The following NTRK2 variants were observed in gnomAD, a reference collection of about 807,000 sequenced individuals.
NTRK2 encodes neurotrophic receptor tyrosine kinase 2, also known as BDNF/NT-3 growth factors receptor.
NTRK2 carries 13 observed loss-of-function variants against 94.5 expected under a neutral mutation model. The observed-to-expected ratio is 0.14, with a 90% CI of 0.09 to 0.22. The LOEUF is 0.22. Among genes scored for constraint, NTRK2 ranks in the 10% least tolerant of loss-of-function variants. NTRK2 has a pLI of 1.00. For missense variants in NTRK2, 639 were observed against 1,071.2 expected (o/e 0.60, Z 5.63); for synonymous variants, 372 against 407.4 (o/e 0.91, Z 1.05).
chr9:84,794,440 C>T (rs1346810567), intron 12 of NTRK2, among the ~76,000 whole-genome samples: 1 of 152,012 alleles, frequency 6.6e-6, no homozygotes, highest in East Asian at 1.9e-4. Context: ...ATGGCATAGC[C>T]AAAAAACCCC....
chr9:84,725,291 G>T (rs1270344358), intron 8 of NTRK2, among the ~76,000 whole-genome samples: 2 of 152,170 alleles, frequency 1.3e-5, no homozygotes, highest in South Asian at 4.1e-4. Flanking sequence ...GAAATCATCA[G>T]CTGTAATCCT....
chr9:84,683,228 G>A (rs1217196291), intron 2 of NTRK2, among the ~76,000 whole-genome samples: 1 of 152,038 alleles, frequency 6.6e-6, no homozygotes, highest in Non-Finnish European at 1.5e-5. Context: ...GAATGTACAG[G>A]TTTGTTACAT....
At chr9:84,980,222 G>C (rs1352825491) in intron 17 of NTRK2, among the ~76,000 whole-genome samples, 4 of 152,142 alleles carry the variant, frequency 2.6e-5, no homozygotes, top group African/African-American at 9.7e-5. Context: ...TGGCTAAACA[G>C]TATTCCATCC....
At chr9:84,933,508 C>T (rs1047266583) in intron 14 of NTRK2, among the ~76,000 whole-genome samples, 3 of 152,186 alleles carry the variant, frequency 2.0e-5, no homozygotes, top group Non-Finnish European at 4.4e-5. Context: ...TCTTCTTGGC[C>T]TTGGAGAGCC....
At chr9:84,971,045 C>T (rs1289577671) in intron 17 of NTRK2, among the ~76,000 whole-genome samples, 1 of 152,194 alleles carries the variant, frequency 6.6e-6, no homozygotes, top group Admixed American at 6.5e-5. Context: ...AAGGAGCAGG[C>T]TGGGACAGTG....
chr9:84,744,854 G>C, intron 10 of NTRK2, 119 bp from the exon 11 acceptor site: 1 of 812,766 alleles, frequency 1.2e-6, no homozygotes, highest in Non-Finnish European at 2.2e-6. Flanking sequence ...CAGACTGTCG[G>C]GGGTTTGGAA....
intron 6 of NTRK2, among the ~76,000 whole-genome samples, chr9:84,717,969 T>C (rs2061808066): frequency 6.6e-6 from 1 of 152,148 alleles, no homozygotes; most frequent in South Asian, 2.1e-4. Context: ...ATTGTGAACA[T>C]CCAGAGCTTC....
At chr9:84,829,336 A>G (rs866981457) in intron 12 of NTRK2, among the ~76,000 whole-genome samples, 1 of 152,098 alleles carries the variant, frequency 6.6e-6, no homozygotes. Context: ...CTAATTTTAA[A>G]ATGTCTTCAG....
Position 84,752,596 on chromosome 9 carries a change from G to T in NTRK2, c.1396+511G>T, listed in dbSNP as rs533566259. On this transcript the variant is annotated intron_variant, in intron 12 of 18. Coordinates refer to ENST00000277120, the MANE Select transcript of NTRK2 (RefSeq NM_006180.6). ...TATCAGCAGTATATAGAAGCTTCGT[G>T]AATACATAGCTTTTTTTTTATTTAA... is the stretch of plus-strand genomic sequence containing the variant. Among the ~76,000 whole-genome samples, 121 of 152,252 alleles carry T rather than the reference G, an allele frequency of 7.9e-4. 2 individuals carry two copies. Among genetic ancestry groups the T allele is most frequent in the African/African-American group, 2.8e-3 (118 of 41,552 alleles).
chr9:84,698,304 A>C (rs1364469016), intron 2 of NTRK2, among the ~76,000 whole-genome samples: 1 of 152,092 alleles, frequency 6.6e-6, no homozygotes, highest in African/African-American at 2.4e-5. Context: ...TGTACGTATC[A>C]GTATACAATT....
chr9:84,928,442 A>G (rs1277938583), intron 14 of NTRK2, among the ~76,000 whole-genome samples: 8 of 152,236 alleles, frequency 5.3e-5, no homozygotes, highest in Admixed American at 5.2e-4. Flanking sequence ...ATTTCAGATG[A>G]TAAACATGAG....
At chr9:84,875,443 T>C (rs1323371343) in intron 14 of NTRK2, 1 of 1,062,288 alleles carries the variant, frequency 9.4e-7, no homozygotes. Context: ...CAAGGCAGGC[T>C]GAGAGCTCTC....
chr9:84,775,186 C>A (rs2132912284), intron 12 of NTRK2, among the ~76,000 whole-genome samples: 1 of 152,296 alleles, frequency 6.6e-6, no homozygotes, highest in South Asian at 2.1e-4. Context: ...GATGTGGGAG[C>A]TGAGAGGTGG....
intron 12 of NTRK2, among the ~76,000 whole-genome samples, chr9:84,793,105 G>C (rs2068898453): frequency 6.6e-6 from 1 of 151,400 alleles, no homozygotes; most frequent in East Asian, 1.9e-4. Flanking sequence ...GTGTGTGTTG[G>C]TGGGGGTGGT....
intron 12 of NTRK2, chr9:84,815,310 T>C (rs1342503928): frequency 3.0e-5 from 31 of 1,049,890 alleles, no homozygotes; most frequent in Non-Finnish European, 3.6e-5. Flanking sequence ...AGTGGGTTTT[T>C]ATGGGGAAAA....
At chr9:84,891,750 A>G (rs999200555) in intron 14 of NTRK2, among the ~76,000 whole-genome samples, 2 of 152,188 alleles carry the variant, frequency 1.3e-5, no homozygotes, top group Non-Finnish European at 2.9e-5. Flanking sequence ...ATTGACGTTC[A>G]TGTCTATGTT....
chr9:84,897,793 G>A (rs973769936), intron 14 of NTRK2, among the ~76,000 whole-genome samples: 1 of 152,190 alleles, frequency 6.6e-6, no homozygotes, highest in Non-Finnish European at 1.5e-5. Flanking sequence ...CCGGAGCATT[G>A]GTGAACTCCT....
At chr9:84,686,850 G>A (rs982097124) in intron 2 of NTRK2, among the ~76,000 whole-genome samples, 6 of 152,050 alleles carry the variant, frequency 3.9e-5, no homozygotes, top group Admixed American at 2.6e-4. Flanking sequence ...AGATTAGAAG[G>A]CTTTTTAAAA....
At chr9:84,677,875 T>C (rs545287125) in intron 2 of NTRK2, among the ~76,000 whole-genome samples, 2 of 152,246 alleles carry the variant, frequency 1.3e-5, no homozygotes, top group African/African-American at 4.8e-5. Context: ...TGTGAAGAGA[T>C]AAATGATTTG....
Sources: gnomAD v4.1 joint callset for allele counts (sites outside exome capture counted in the v4.1 genomes callset) on GRCh38, gnomAD v4.1.1 for gene constraint, MANE v1.5 for transcripts, NCBI Gene and HGNC (gene_info 2026-07-23, HGNC 2026-07-21) for gene names.